TTLL11: variants seen among roughly 807,000 people sequenced by gnomAD.
TTLL11 encodes the protein tubulin tyrosine ligase like 11, also known as tubulin polyglutamylase TTLL11.
TTLL11 carries 42 observed loss-of-function variants against 51.7 expected under a neutral mutation model. That is an observed-to-expected ratio of 0.81 (90% CI 0.64 to 1.05). The LOEUF (loss-of-function observed/expected upper bound fraction) is 1.05, where lower values mean the gene tolerates loss of function less well. Among genes scored for constraint, TTLL11 ranks in the 50% least tolerant of loss-of-function variants. The pLI is 0.00. For synonymous variants in TTLL11, 381 were observed against 383.5 expected, an observed-to-expected ratio of 0.99 and a Z score of 0.08; for missense variants, 799 against 940.4, an observed-to-expected ratio of 0.85 and a Z score of 1.97.
At chr9:121,971,035 C>G (rs1437363818) in intron 6 of TTLL11, among the ~76,000 whole-genome samples, 13 of 144,110 alleles carry the variant, frequency 9.0e-5, no homozygotes, top group Admixed American at 8.9e-4. Context: ...GTCAGCCCCC[C>G]GCCCGGTCAG....
intron 6 of TTLL11, among the ~76,000 whole-genome samples, chr9:121,923,441 T>C (rs1840610672): frequency 6.6e-6 from 1 of 151,708 alleles, no homozygotes; most frequent in African/African-American, 2.4e-5. Flanking sequence ...TTCCATTTTT[T>C]TCAATTTTGT....
chr9:121,822,818 C>T lies in TTLL11; in HGVS notation c.1902G>A (p.Met634Ile), dbSNP rs1278701262. Residue 634 changes from methionine (M) to isoleucine (I), a missense_variant, in exon 9 of 9, where the codon ATG (methionine) becomes ATA (isoleucine). This residue lies in a region of TTLL11 where 165 missense variants were observed against 166.1 expected (regional missense o/e 0.99). Transcript: ENST00000321582. This position sits in a 1 kb window ranked among gnomAD's most constrained non-coding sequence, Gnocchi z 5.8. The part of the protein sequence containing the change: ...FFFLAQRKFK[M>I]LPLHEQVASL... ...AGGCCACCTGCTCATGAAGTGGCAG[C>T]ATCTTGAACTTCCTCTGAGCCAGGA... The T allele has an allele frequency of 2.6e-6, 4 of 1,551,664 alleles. No individual in the cohort carries two copies. The Admixed American group carries it at 5.9e-5, about 23-fold the overall frequency.
intron 8 of TTLL11, among the ~76,000 whole-genome samples, chr9:121,849,541 T>G (rs1018168351): frequency 6.6e-6 from 1 of 151,990 alleles, no homozygotes; most frequent in African/African-American, 2.4e-5. Flanking sequence ...TACAAAGAAT[T>G]CTTAAAACTC....
chr9:121,816,196 C>T lies in TTLL11; in HGVS notation c.*6391G>A, dbSNP rs909105978. ...TCTGACTGCAAAGCCCTCGCTTTTC[C>T]AGAACAGTTCACGGCCTCCTCTGGG... is the stretch of plus-strand genomic sequence containing the variant. On this transcript the variant is annotated 3_prime_UTR_variant, in exon 9 of 9. Transcript: ENST00000321582. The T allele has an allele frequency of 1.3e-5, 2 of 152,210 alleles. No homozygotes were observed. The highest frequency in any genetic ancestry group is 4.8e-5 in the African/African-American group (2 of 41,446). The allele number at this position is 152,210 out of a possible 1,614,324, so 9.4% of individuals were successfully genotyped here.
intron 1 of TTLL11, among the ~76,000 whole-genome samples, chr9:122,087,621 A>G (rs929120894): frequency 1.3e-5 from 2 of 152,202 alleles, no homozygotes; most frequent in African/African-American, 2.4e-5. Flanking sequence ...GCTGGTGGCC[A>G]TGGCACCACT....
intron 3 of TTLL11, among the ~76,000 whole-genome samples, chr9:121,999,796 C>T (rs1843406651): frequency 6.6e-6 from 1 of 152,206 alleles, no homozygotes; most frequent in Non-Finnish European, 1.5e-5. Context: ...TATTATTACC[C>T]ACCAGCCCCC....
chr9:121,884,048 A>G (rs74393299), intron 6 of TTLL11, among the ~76,000 whole-genome samples: 4,830 of 152,328 alleles, frequency 0.032, 110 homozygotes, highest in African/African-American at 0.054. Context: ...TAAAGAACCC[A>G]GGAGAATGCC....
At chr9:121,975,654 G>A (rs1404189137) in intron 4 of TTLL11, among the ~76,000 whole-genome samples, 2 of 152,174 alleles carry the variant, frequency 1.3e-5, no homozygotes, top group Non-Finnish European at 2.9e-5. Flanking sequence ...GGAGGTTGCA[G>A]TGAGCCAAGA....
Position 122,013,973 on chromosome 9 carries a change from C to T in TTLL11, c.693+17750G>A, listed in dbSNP as rs116715352. The stretch of plus-strand genomic sequence containing the variant: ...GGATCTTAGTGAAAATCTACAATCT[C>T]CTCCTTTTGCAGAAGAGGCACTGAA... On this transcript the variant is annotated intron_variant, in intron 3 of 8. Coordinates refer to ENST00000321582, the MANE Select transcript of TTLL11 (RefSeq NM_001139442.2). Among the ~76,000 whole-genome samples, 454 of 152,234 alleles carry T rather than the reference C, an allele frequency of 3.0e-3. 5 individuals are homozygous for T. The highest frequency in any genetic ancestry group is 0.011 in the African/African-American group (439 of 41,534).
At chr9:121,930,836 C>T (rs1334127079) in intron 6 of TTLL11, among the ~76,000 whole-genome samples, 3 of 152,190 alleles carry the variant, frequency 2.0e-5, no homozygotes, top group Non-Finnish European at 2.9e-5. Context: ...AATTTCCTCG[C>T]GCTGAGTTTG....
intron 3 of TTLL11, among the ~76,000 whole-genome samples, chr9:122,018,477 G>A (rs1316397315): frequency 1.3e-5 from 2 of 152,160 alleles, no homozygotes; most frequent in East Asian, 1.9e-4. Flanking sequence ...CATCACATGC[G>A]ATGAAATGTG....
At chr9:121,999,958 A>T (rs1843410974) in intron 3 of TTLL11, among the ~76,000 whole-genome samples, 1 of 152,218 alleles carries the variant, frequency 6.6e-6, no homozygotes, top group Admixed American at 6.5e-5. Flanking sequence ...TCAGGTCCAC[A>T]TATCAGTTCC....
At chr9:122,076,310 G>A (rs1845857804) in intron 1 of TTLL11, among the ~76,000 whole-genome samples, 1 of 152,216 alleles carries the variant, frequency 6.6e-6, no homozygotes, top group Non-Finnish European at 1.5e-5. Context: ...CATGTTGGCA[G>A]TGGTCTGGCC....
chr9:121,972,914 T>C (rs1302073008), intron 6 of TTLL11, among the ~76,000 whole-genome samples: 3 of 152,274 alleles, frequency 2.0e-5, no homozygotes, highest in Non-Finnish European at 1.5e-5. Flanking sequence ...AACCACCACT[T>C]GCTTGGGGAA....
intron 1 of TTLL11, among the ~76,000 whole-genome samples, chr9:122,053,376 G>A (rs896822267): frequency 1.3e-5 from 2 of 152,146 alleles, no homozygotes; most frequent in East Asian, 3.9e-4. Context: ...AGGACTATAG[G>A]ACAGCAGAGA....
At chr9:122,057,622 G>A (rs566771313) in intron 1 of TTLL11, among the ~76,000 whole-genome samples, 5 of 151,982 alleles carry the variant, frequency 3.3e-5, no homozygotes, top group Non-Finnish European at 5.9e-5. Context: ...CCACTACCCC[G>A]CCAATCATAT....
chr9:121,886,317 A>G (rs1475754855), intron 6 of TTLL11, among the ~76,000 whole-genome samples: 1 of 152,076 alleles, frequency 6.6e-6, no homozygotes, highest in East Asian at 1.9e-4. Flanking sequence ...CCTTTTTTGG[A>G]AAAAAAGAGT....
chr9:121,895,818 T>C (rs1436339416), intron 6 of TTLL11, among the ~76,000 whole-genome samples: 1 of 59,960 alleles, frequency 1.7e-5, no homozygotes, highest in Non-Finnish European at 3.7e-5. Context: ...GTTTTGTGTG[T>C]TTGTGTATGT....
intron 1 of TTLL11, among the ~76,000 whole-genome samples, chr9:122,042,801 T>C (rs1170273717): frequency 6.6e-6 from 1 of 152,172 alleles, no homozygotes; most frequent in African/African-American, 2.4e-5. Context: ...CATGGAGGAA[T>C]CTTAAATGCA....
Sources: gnomAD v4.1 joint callset for allele counts (sites outside exome capture counted in the v4.1 genomes callset) on GRCh38, gnomAD v4.1.1 for gene constraint, gnomAD v4.1.1 regional missense constraint, Gnocchi (gnomAD v3.1) non-coding constraint, MANE v1.5 for transcripts, NCBI Gene and HGNC (gene_info 2026-07-23, HGNC 2026-07-21) for gene names.